Variants in CMTM4 observed in about 807,000 individuals in gnomAD.
CMTM4 encodes the protein CKLF-like MARVEL transmembrane domain-containing protein 4.
CMTM4 carries 8 observed loss-of-function variants against 19.0 expected under a neutral mutation model. That is an observed-to-expected ratio of 0.42 (90% CI 0.25 to 0.76). CMTM4 has a LOEUF of 0.76. CMTM4 is among the 30% of genes least tolerant of loss of function. CMTM4 has a pLI of 0.27. For synonymous variants in CMTM4, 106 were observed against 121.1 expected (o/e 0.88, Z 0.82); for missense variants, 228 against 290.2 (o/e 0.79, Z 1.56).
intron 3 of CMTM4, 80 bp downstream of exon 3, chr16:66,623,323 GC>G: frequency 1.0e-6 from 1 of 968,274 alleles, no homozygotes; most frequent in South Asian, 1.5e-5. Flanking sequence ...AGGAGGGGGA[GC>G]AGGACACATG....
At chr16:66,645,892 T>G (rs532534344) in intron 1 of CMTM4, among the ~76,000 whole-genome samples, 28 of 151,412 alleles carry the variant, frequency 1.8e-4, no homozygotes, top group African/African-American at 6.5e-4. Flanking sequence ...GGCAGGAGAA[T>G]CACTTGAACC....
chr16:66,600,425 A>G, the CMTM4 span, among the ~76,000 whole-genome samples: 15 of 152,154 alleles, frequency 9.9e-5, no homozygotes, highest in Non-Finnish European at 1.6e-4. Context: ...GATTACAGGC[A>G]TGAGCCACTG....
chr16:66,646,213 G>A (rs2016193212), intron 1 of CMTM4, among the ~76,000 whole-genome samples: 2 of 152,108 alleles, frequency 1.3e-5, no homozygotes, highest in South Asian at 2.1e-4. Context: ...ACATTTATGT[G>A]CATTGAAGGA....
chr16:66,613,194 T>C, downstream of CMTM4: 1 of 696,108 alleles, frequency 1.4e-6, no homozygotes, highest in Non-Finnish European at 2.6e-6. Context: ...GAAATTGACC[T>C]TTGCCTTGTC....
At position 66,620,579 on chromosome 16, in the gene CMTM4, C is replaced by A; in HGVS notation, c.*1479G>T. The A allele has an allele frequency of 4.1e-6, 4 of 985,536 alleles. No individual in the cohort carries two copies. Among genetic ancestry groups the A allele is most frequent in the Middle Eastern group, 5.2e-4 (1 of 1,914 alleles). 61.0% of individuals were successfully genotyped at this position (985,536 alleles called of 1,614,324 possible). On this transcript the variant is annotated 3_prime_UTR_variant, in exon 4 of 4. Transcript: ENST00000394106. ...AAGGTGACGCTTTCTTGCACAGACC[C>A]CCCGCCGCCCCCTCGGAGTTATTTA...
chr16:66,617,359 C>G lies in CMTM4; in HGVS notation c.*4699G>C. The G allele has an allele frequency of 1.2e-6, 2 of 1,610,996 alleles. No individual in the cohort carries two copies. Among genetic ancestry groups the G allele is most frequent in the South Asian group, 2.2e-5 (2 of 90,352 alleles). ...TGTTACGTTTGTGGAGTAGGAAAAA[C>G]TAGAAAGGAAAAAAAAATCCCAAAG... On this transcript the variant is annotated 3_prime_UTR_variant, in exon 4 of 4. Transcript: ENST00000394106.
chr16:66,617,378 C>A lies in CMTM4; in HGVS notation c.*4680G>T. 6.2e-7 allele frequency: 1 copy of A among 1,609,990 alleles called. No homozygotes were observed. The highest frequency in any genetic ancestry group is 1.1e-5 in the South Asian group (1 of 90,252). ...GAAAAACTAGAAAGGAAAAAAAAAT[C>A]CCAAAGGTTGAAAAACTGTATCCAA... is the stretch of plus-strand genomic sequence containing the variant. On this transcript the variant is annotated 3_prime_UTR_variant, in exon 4 of 4. Transcript: ENST00000394106.
At chr16:66,652,025 A>C (rs998677615) in intron 1 of CMTM4, among the ~76,000 whole-genome samples, 1 of 152,190 alleles carries the variant, frequency 6.6e-6, no homozygotes, top group African/African-American at 2.4e-5. Context: ...AAGTAATAGA[A>C]AATTACCTGC....
chr16:66,653,302 A>T (rs916637576), intron 1 of CMTM4, among the ~76,000 whole-genome samples: 1 of 152,220 alleles, frequency 6.6e-6, no homozygotes, highest in Non-Finnish European at 1.5e-5. Context: ...AGTGAACTGC[A>T]TATCATACAT....
chr16:66,612,480 G>A (rs547482336), downstream of CMTM4: 142 of 893,106 alleles, frequency 1.6e-4, 2 homozygotes, highest in South Asian at 2.0e-3. This position sits in a 1 kb window ranked among gnomAD's most constrained non-coding sequence, Gnocchi z 6.0. Context: ...CACTGGGAAC[G>A]GTAGAGTCAG....
chr16:66,619,290 G>A lies in CMTM4; in HGVS notation c.*2768C>T. The A allele has an allele frequency of 1.0e-6, 1 of 985,472 alleles. No individual in the cohort carries two copies. The highest frequency in any genetic ancestry group is 5.2e-4 in the Middle Eastern group (1 of 1,914). 61.0% of individuals were successfully genotyped at this position (985,472 alleles called of 1,614,324 possible). On this transcript the variant is annotated 3_prime_UTR_variant, in exon 4 of 4. Transcript: ENST00000394106. Reference sequence around the variant, plus strand: ...ACTTTCTCTGAGGACATCAGTGTTTGCATCCATCTAAAACCACCAGAGGTT... The same window carrying A: ...ACTTTCTCTGAGGACATCAGTGTTTACATCCATCTAAAACCACCAGAGGTT...
intron 1 of CMTM4, among the ~76,000 whole-genome samples, chr16:66,667,756 G>A (rs1341622199): frequency 6.6e-6 from 1 of 152,018 alleles, no homozygotes; most frequent in Non-Finnish European, 1.5e-5. Context: ...AGGTGTTGTG[G>A]TGTGTGCCTG....
intron 1 of CMTM4, among the ~76,000 whole-genome samples, chr16:66,650,552 ACTAAGCCCCATG>A (rs1939601483): frequency 6.6e-6 from 1 of 152,154 alleles, no homozygotes; most frequent in Non-Finnish European, 1.5e-5. Flanking sequence ...GTCTTCTCAT[ACTAAGCCCCATG>A]CTGTTCCCAC....
intron 1 of CMTM4, among the ~76,000 whole-genome samples, chr16:66,664,052 G>T (rs1020852622): frequency 4.6e-5 from 7 of 151,938 alleles, no homozygotes; most frequent in African/African-American, 9.7e-5. Context: ...GGCCAACATG[G>T]TGAAACTCTG....
At chr16:66,686,769 T>C (rs1172521953) in intron 1 of CMTM4, among the ~76,000 whole-genome samples, 1 of 151,944 alleles carries the variant, frequency 6.6e-6, no homozygotes, top group African/African-American at 2.4e-5. Context: ...TGTTCAGAAA[T>C]GTGGTGGTCT....
intron 1 of CMTM4, among the ~76,000 whole-genome samples, chr16:66,688,643 T>C (rs1197504311): frequency 2.0e-5 from 3 of 152,188 alleles, no homozygotes; most frequent in Non-Finnish European, 2.9e-5. Flanking sequence ...GCCTGGCTAA[T>C]ATAAAGTTTA....
At chr16:66,636,961 T>C (rs1278132816) in intron 1 of CMTM4, among the ~76,000 whole-genome samples, 1 of 152,166 alleles carries the variant, frequency 6.6e-6, no homozygotes, top group African/African-American at 2.4e-5. Flanking sequence ...GTGTTTCTAA[T>C]TCATGGTCTC....
intron 1 of CMTM4, among the ~76,000 whole-genome samples, chr16:66,637,620 T>A (rs978393853): frequency 1.3e-5 from 2 of 152,196 alleles, no homozygotes; most frequent in African/African-American, 4.8e-5. Context: ...TCATAGATCA[T>A]AAAATCAAAT....
In CMTM4 at chr16:66,621,275, T is replaced by C. The variant is rs1184857192; in HGVS notation, c.*783A>G. On this transcript the variant is annotated 3_prime_UTR_variant, in exon 4 of 4. Coordinates refer to ENST00000394106, the MANE Select transcript of CMTM4 (RefSeq NM_181521.3). ...TGGTGGAGTAGGCTTGTTTCTTTCA[T>C]GGCTTTTACCTGAGAAGGTAAAATG... The C allele has an allele frequency of 6.1e-6, 6 of 985,406 alleles. No homozygotes were observed. Among genetic ancestry groups the C allele is most frequent in the East Asian group, 1.1e-4 (1 of 8,834 alleles). The allele number at this position is 985,406 out of a possible 1,614,324, so 61.0% of individuals were successfully genotyped here.
Sources: allele counts gnomAD v4.1 joint callset (sites outside exome capture counted in the v4.1 genomes callset), GRCh38; gene constraint gnomAD v4.1.1; non-coding constraint Gnocchi (gnomAD v3.1); transcripts MANE v1.5; gene names NCBI Gene and HGNC (gene_info 2026-07-23, HGNC 2026-07-21).